The following ZDHHC20 variants were observed in gnomAD, a reference collection of about 807,000 sequenced individuals.
ZDHHC20 encodes the protein palmitoyltransferase ZDHHC20.
Under a neutral mutation model 57.8 loss-of-function variants are expected in ZDHHC20, and 43 were observed. That is an observed-to-expected ratio of 0.74 (90% CI 0.58 to 0.96). The LOEUF is 0.96. ZDHHC20 is among the 40% of genes least tolerant of loss of function. The pLI, the probability that ZDHHC20 is intolerant of heterozygous loss-of-function variation, is 0.00. For missense variants in ZDHHC20, 391 were observed against 441.1 expected, an observed-to-expected ratio of 0.89 and a Z score of 1.02; for synonymous variants, 157 against 153.0, an observed-to-expected ratio of 1.03 and a Z score of -0.19.
intron 12 of ZDHHC20, among the ~76,000 whole-genome samples, chr13:21,378,216 T>C (rs1167161833): frequency 6.6e-6 from 1 of 152,044 alleles, no homozygotes; most frequent in Non-Finnish European, 1.5e-5. Context: ...CTGGCTAATT[T>C]TTTATTTTTT....
At position 21,397,457 on chromosome 13, in the gene ZDHHC20, T is replaced by C. The variant is rs574930037; in HGVS notation, c.594+2916A>G. On this transcript the variant is annotated intron_variant, in intron 7 of 12. Transcript: ENST00000400590. ...TGGGAGGACTGTTTGAGATCAGGAC[T>C]TATAGACCAGCCTGGGCAACATGGT... Among the ~76,000 whole-genome samples the C allele has an allele frequency of 1.1e-4, 16 of 152,142 alleles. No individual in the cohort carries two copies. In the South Asian group the frequency reaches 3.3e-3, roughly 32 times the overall value.
rs377176857 is a variant in ZDHHC20, at chr13:21,443,462, G to C, written c.118+15592C>G. ...AGAGTTCACCTAGCTATTCTTAGAT[G>C]ACTATTTCCCCACTCACATATAAAC... On this transcript the variant is annotated intron_variant, in intron 1 of 12. Transcript: ENST00000400590. Among the ~76,000 whole-genome samples, 26 of 152,298 alleles carry C rather than the reference G, an allele frequency of 1.7e-4. No individual in the cohort carries two copies. In the East Asian group the frequency reaches 1.7e-3, roughly 10 times the overall value.
In ZDHHC20 at chr13:21,379,541, G is replaced by A. The variant is rs545157392; in HGVS notation, c.1061-803C>T. Among the ~76,000 whole-genome samples the A allele has an allele frequency of 9.4e-4, 142 of 151,854 alleles. 1 individual carries two copies. The highest frequency in any genetic ancestry group is 3.3e-3 in the African/African-American group (135 of 41,402). On this transcript the variant is annotated intron_variant, in intron 11 of 12. Transcript: ENST00000400590. ...AAGTGATCCTCCTGCCTCAGCCTCC[G>A]GAAGTGCTGGGATTACAGGTGTGAG...
Position 21,391,746 on chromosome 13 carries a change from C to A in ZDHHC20, c.703G>T (p.Val235Phe), listed in dbSNP as rs1207338499. Residue 235 changes from valine (V) to phenylalanine (F), a missense_variant, in exon 8 of 13, where the codon GTT becomes TTT. Val to Phe is a conservative substitution (Grantham distance 50). Transcript: ENST00000400590. Reference sequence around the variant, plus strand: ...CCTATTGTTGTTCTATTTTTTCCAACTAGCCAGCAGTGGTAGCTGAAAAGT... The same window carrying A: ...CCTATTGTTGTTCTATTTTTTCCAAATAGCCAGCAGTGGTAGCTGAAAAGT... ...LSLFSYHCWL[V>F]GKNRTTIESF... 6.2e-7 allele frequency: 1 copy of A among 1,608,854 alleles called. No individual in the cohort carries two copies. The highest frequency in any genetic ancestry group is 8.5e-7 in the Non-Finnish European group (1 of 1,179,000).
At chr13:21,434,066 A>G (rs1374128084) in intron 1 of ZDHHC20, among the ~76,000 whole-genome samples, 1 of 151,824 alleles carries the variant, frequency 6.6e-6, no homozygotes, top group African/African-American at 2.4e-5. Flanking sequence ...GGTAATCAAC[A>G]GGGTTTGTTT....
At chr13:21,418,804 G>T (rs990385315) in intron 3 of ZDHHC20, among the ~76,000 whole-genome samples, 1 of 152,152 alleles carries the variant, frequency 6.6e-6, no homozygotes, top group Non-Finnish European at 1.5e-5. Flanking sequence ...CTCCCGAGTA[G>T]CTGGGACTAC....
chr13:21,392,226 A>C (rs1875858203), intron 7 of ZDHHC20, among the ~76,000 whole-genome samples: 1 of 152,104 alleles, frequency 6.6e-6, no homozygotes. Flanking sequence ...AAAAAAAAAA[A>C]AACAATAGCA....
intron 5 of ZDHHC20, among the ~76,000 whole-genome samples, chr13:21,402,032 C>T (rs1010737530): frequency 3.3e-5 from 5 of 151,772 alleles, no homozygotes; most frequent in East Asian, 1.9e-4. Context: ...GTCATGAGTT[C>T]GAGACCAGCC....
chr13:21,450,204 T>G (rs1443204953), intron 1 of ZDHHC20, among the ~76,000 whole-genome samples: 1 of 151,982 alleles, frequency 6.6e-6, no homozygotes, highest in East Asian at 1.9e-4. Flanking sequence ...GCCTATTAGA[T>G]CTCCAAGCAG....
intron 3 of ZDHHC20, among the ~76,000 whole-genome samples, chr13:21,417,657 T>A (rs1880152541): frequency 6.6e-6 from 1 of 152,156 alleles, no homozygotes; most frequent in African/African-American, 2.4e-5. Context: ...CAGGCTGGTC[T>A]CGAACTCCTG....
chr13:21,455,023 C>T (rs557805502), intron 1 of ZDHHC20, among the ~76,000 whole-genome samples: 22 of 152,302 alleles, frequency 1.4e-4, no homozygotes, highest in Non-Finnish European at 2.9e-4. Context: ...CAGGTTCATG[C>T]CATTCTCCTG....
At chr13:21,403,667 G>T (rs1327235866) in intron 4 of ZDHHC20, among the ~76,000 whole-genome samples, 3 of 152,148 alleles carry the variant, frequency 2.0e-5, no homozygotes, top group Non-Finnish European at 4.4e-5. Flanking sequence ...CCCTCAGGGA[G>T]AAAGAAGTTG....
Position 21,421,176 on chromosome 13 carries a change from A to G in ZDHHC20, c.146-12T>C. 1 of 1,607,970 alleles carries G rather than the reference A, an allele frequency of 6.2e-7. No homozygotes were observed. Reference sequence around the variant, plus strand: ...AACAACGGTCTTTCCTGGTAAATAAAAACAAATAACAGTTCATTGAATCCA... The same window carrying G: ...AACAACGGTCTTTCCTGGTAAATAAGAACAAATAACAGTTCATTGAATCCA... On this transcript the variant is annotated splice_polypyrimidine_tract_variant and intron_variant, in intron 2 of 12. Coordinates refer to ENST00000400590, the MANE Select transcript of ZDHHC20 (RefSeq NM_001330059.2).
intron 8 of ZDHHC20, among the ~76,000 whole-genome samples, chr13:21,388,680 C>T (rs1205912476): frequency 6.6e-6 from 1 of 152,202 alleles, no homozygotes; most frequent in East Asian, 1.9e-4. Context: ...TGTGACATTA[C>T]TGCCAAACAG....
At chr13:21,429,553 T>A (rs1461153398) in intron 1 of ZDHHC20, among the ~76,000 whole-genome samples, 2 of 152,226 alleles carry the variant, frequency 1.3e-5, no homozygotes, top group Non-Finnish European at 2.9e-5. Flanking sequence ...GAAATTTGGT[T>A]ATAATGTATG....
At chr13:21,379,524 C>T (rs1593164700) in intron 11 of ZDHHC20, among the ~76,000 whole-genome samples, 5 of 152,254 alleles carry the variant, frequency 3.3e-5, no homozygotes, top group Admixed American at 2.6e-4. Flanking sequence ...TCAAGTGATC[C>T]TCCTGCCTCA....
chr13:21,381,359 A>G lies in ZDHHC20; in HGVS notation c.1060+75T>C, dbSNP rs974388353. 46 of 1,155,398 alleles carry G rather than the reference A, an allele frequency of 4.0e-5. No individual in the cohort carries two copies. The African/African-American group carries it at 6.9e-4, about 17-fold the overall frequency. The allele number at this position is 1,155,398 out of a possible 1,614,324, so 71.6% of individuals were successfully genotyped here. A position where few individuals can be genotyped will look rare whatever the true frequency, so the allele number is the denominator to read the frequency against. On this transcript the variant is annotated intron_variant, in intron 11 of 12. Transcript: ENST00000400590. ...ATTTTTAAAATGTTACATTATTTTG[A>G]TTTTTCCACATGTATTATATCTGGT...
intron 4 of ZDHHC20, among the ~76,000 whole-genome samples, chr13:21,404,992 G>A (rs1878246694): frequency 6.6e-6 from 1 of 152,120 alleles, no homozygotes; most frequent in Non-Finnish European, 1.5e-5. Flanking sequence ...TTAGCTATTT[G>A]ATTGTCACTT....
At chr13:21,412,785 A>G (rs1024605930) in intron 4 of ZDHHC20, among the ~76,000 whole-genome samples, 1 of 152,032 alleles carries the variant, frequency 6.6e-6, no homozygotes. Flanking sequence ...CCTGGCCAAC[A>G]TAGTGAAACC....
Sources: gnomAD v4.1 joint callset for allele counts (sites outside exome capture counted in the v4.1 genomes callset) on GRCh38, gnomAD v4.1.1 for gene constraint, MANE v1.5 for transcripts, NCBI Gene and HGNC (gene_info 2026-07-23, HGNC 2026-07-21) for gene names.